CAMK2B: variants seen among roughly 807,000 people sequenced by gnomAD.
CAMK2B encodes calcium/calmodulin dependent protein kinase II beta.
In CAMK2B, 27 loss-of-function variants were observed where a neutral mutation model predicts 93.7. That is an observed-to-expected ratio of 0.29 (90% confidence interval 0.21 to 0.40). The LOEUF (loss-of-function observed/expected upper bound fraction) is 0.40, where lower values mean the gene tolerates loss of function less well. CAMK2B is among the 10% of genes least tolerant of loss of function. CAMK2B has a pLI of 1.00. For synonymous variants in CAMK2B, 374 were observed against 358.8 expected, an observed-to-expected ratio of 1.04 and a Z score of -0.48; for missense variants, 568 against 895.8, an observed-to-expected ratio of 0.63 and a Z score of 4.67.
intron 1 of CAMK2B, 30 bp downstream of exon 1, chr7:44,325,327 G>GTCCCA: frequency 8.3e-7 from 1 of 1,205,660 alleles, no homozygotes; most frequent in Non-Finnish European, 1.1e-6. Flanking sequence ...TGGGGTCCCC[G>GTCCCA]GCCCAGCCCG....
intron 3 of CAMK2B, among the ~76,000 whole-genome samples, chr7:44,261,741 G>T (rs572479231): frequency 1.3e-5 from 2 of 152,358 alleles, no homozygotes; most frequent in South Asian, 4.1e-4. Flanking sequence ...CAAATTCACA[G>T]ACAGGGCTAA....
At chr7:44,235,983 AC>A (rs1396292361) in intron 13 of CAMK2B, among the ~76,000 whole-genome samples, 12 of 148,788 alleles carry the variant, frequency 8.1e-5, no homozygotes, top group Non-Finnish European at 1.3e-4. Context: ...TCCTCCCCCA[AC>A]CCCAGCAGCA....
chr7:44,241,923 A>C (rs558320439), intron 10 of CAMK2B, 140 bp from the exon 11 acceptor site: 49 of 702,800 alleles, frequency 7.0e-5, no homozygotes, highest in Non-Finnish European at 1.1e-4. Context: ...GTCTGTCCCC[A>C]CCCGCCTGGG....
At chr7:44,239,095 G>C (rs1371851864) in intron 13 of CAMK2B, among the ~76,000 whole-genome samples, 3 of 152,194 alleles carry the variant, frequency 2.0e-5, no homozygotes, top group African/African-American at 7.2e-5. Context: ...GGCTTGTCCT[G>C]GGGGGATGCT....
At chr7:44,221,018 C>T in intron 20 of CAMK2B, 117 bp from the exon 21 acceptor site, 2 of 809,360 alleles carry the variant, frequency 2.5e-6, no homozygotes, top group South Asian at 3.2e-5. Flanking sequence ...CGTGTTCCTG[C>T]CGCTATTTGC....
chr7:44,254,578 A>G lies in CAMK2B; in HGVS notation c.305T>C (p.Ile102Thr). ...LVTGGELFEDIVAREYYSEAD... is the reference protein window; with the variant it reads ...LVTGGELFEDTVAREYYSEAD... ...CTCGCTGTAGTACTCTCTCGCCACA[A>G]TGTCTTCAAAGAGCTCCCCACCAGT... The change falls in exon 5 of 24, where the codon ATT becomes ACT. Residue 102 changes from isoleucine to threonine, a missense_variant. By Grantham distance (89) the Ile-to-Thr change is moderately conservative (BLOSUM62 -1). This residue lies in a region of CAMK2B where 105 missense variants were observed against 372.4 expected (regional missense o/e 0.28). Coordinates refer to ENST00000395749, the MANE Select transcript of CAMK2B (RefSeq NM_001220.5). 1 of 1,612,032 alleles carries G rather than the reference A, an allele frequency of 6.2e-7. No homozygotes were observed. The highest frequency in any genetic ancestry group is 8.5e-7 in the Non-Finnish European group (1 of 1,179,152).
In CAMK2B at chr7:44,220,023, C is replaced by T. The variant is rs529717098; in HGVS notation, c.*2+37G>A. 3.8e-5 allele frequency: 57 copies of T among 1,490,464 alleles called. No individual in the cohort carries two copies. The South Asian group carries it at 7.1e-4, about 19-fold the overall frequency. 92.3% of individuals were successfully genotyped at this position (1,490,464 alleles called of 1,614,324 possible). A position where few individuals can be genotyped will look rare whatever the true frequency, so the allele number is the denominator to read the frequency against. ...TGCAGCCACTCACACCACCGCCACC[C>T]CTCTGCCCCAGCTGTCACTTAGCAC... On this transcript the variant is annotated intron_variant, in intron 23 of 23. Coordinates refer to ENST00000395749, the MANE Select transcript of CAMK2B (RefSeq NM_001220.5).
In CAMK2B at chr7:44,234,453, C is replaced by T. The variant is rs538860346; in HGVS notation, c.1068G>A (p.Thr356=). 4.5e-6 allele frequency: 7 copies of T among 1,562,174 alleles called. No individual in the cohort carries two copies. Among genetic ancestry groups the T allele is most frequent in the South Asian group, 3.6e-5 (3 of 83,548 alleles). ...CGGCTGCACTGTTTTTGGTGCTATT[C>T]GTCTGGGGCTGTGGAGAGAGGGAAG... is the stretch of plus-strand genomic sequence containing the variant. ...NKKADGVKPQ[T]NSTKNSAAAT... The change falls in exon 15 of 24, where the codon ACG becomes ACA. Residue 356 remains threonine, a synonymous_variant. Coordinates refer to ENST00000395749, the MANE Select transcript of CAMK2B (RefSeq NM_001220.5).
intron 17 of CAMK2B, 167 bp from the exon 18 acceptor site, chr7:44,229,668 T>C (rs1384552893): frequency 1.2e-5 from 6 of 493,446 alleles, no homozygotes; most frequent in Non-Finnish European, 1.8e-5. Context: ...CCTGGGCCTG[T>C]GGTGGCCGCA....
intron 1 of CAMK2B, among the ~76,000 whole-genome samples, chr7:44,318,219 C>A (rs1451594469): frequency 6.6e-6 from 1 of 152,234 alleles, no homozygotes; most frequent in African/African-American, 2.4e-5. Flanking sequence ...CTGAAAGCTG[C>A]AAGCCTCTTG....
In CAMK2B at chr7:44,219,347, T is replaced by G. The variant is rs2096368880; in HGVS notation, c.*178A>C. On this transcript the variant is annotated 3_prime_UTR_variant, in exon 24 of 24. Coordinates refer to ENST00000395749, the MANE Select transcript of CAMK2B (RefSeq NM_001220.5). ...TTGTGGTTGTCGTCGTCATCTTGTT[T>G]TTTTTTTTTTTTTTTTTGTTTTTTT... is the stretch of plus-strand genomic sequence containing the variant. 6 of 117,640 alleles carry G rather than the reference T, an allele frequency of 5.1e-5. No individual in the cohort carries two copies. The highest frequency in any genetic ancestry group is 3.6e-4 in the East Asian group (1 of 2,760). 7.3% of individuals were successfully genotyped at this position (117,640 alleles called of 1,614,324 possible).
chr7:44,234,259 G>A, intron 15 of CAMK2B, 131 bp downstream of exon 15: 2 of 735,642 alleles, frequency 2.7e-6, no homozygotes, highest in East Asian at 5.5e-5. Context: ...AGGGGCGGGG[G>A]CCATGCGAGT....
At chr7:44,235,040 A>T (rs996401953) in intron 13 of CAMK2B, among the ~76,000 whole-genome samples, 8 of 152,150 alleles carry the variant, frequency 5.3e-5, no homozygotes, top group Non-Finnish European at 1.0e-4. Flanking sequence ...ACTCAGGACT[A>T]GCTGTGTCAG....
intron 1 of CAMK2B, among the ~76,000 whole-genome samples, chr7:44,285,557 A>G (rs1373948256): frequency 3.9e-5 from 6 of 152,194 alleles, no homozygotes. Context: ...GGAGCGTCTT[A>G]CATACGAACA....
chr7:44,325,405 G>A lies in CAMK2B; in HGVS notation c.17C>T (p.Thr6Ile). Residue 6 changes from threonine (T) to isoleucine (I), a missense_variant, in exon 1 of 24, where the codon ACC becomes ATC. Thr to Ile is a moderately conservative substitution (Grantham distance 89). Coordinates refer to ENST00000395749, the MANE Select transcript of CAMK2B (RefSeq NM_001220.5). Reference sequence around the variant, plus strand: ...GTACTCGTCGGTGAAGCGGGTGCAGGTCACCGTGGTGGCCATGGCGGCGGC... The same window carrying A: ...GTACTCGTCGGTGAAGCGGGTGCAGATCACCGTGGTGGCCATGGCGGCGGC... The part of the protein sequence containing the change: MATTV[T>I]CTRFTDEYQL... The A allele has an allele frequency of 8.3e-7, 1 of 1,198,816 alleles. No homozygotes were observed. The highest frequency in any genetic ancestry group is 1.1e-6 in the Non-Finnish European group (1 of 941,524). 74.3% of individuals were successfully genotyped at this position (1,198,816 alleles called of 1,614,324 possible).
chr7:44,301,362 C>A (rs1455816389), intron 1 of CAMK2B, among the ~76,000 whole-genome samples: 4 of 152,158 alleles, frequency 2.6e-5, no homozygotes, highest in Admixed American at 1.3e-4. Flanking sequence ...GTCTTGAACT[C>A]CTGTCCTCAA....
chr7:44,304,589 G>A lies in CAMK2B; in HGVS notation c.66-20364C>T, dbSNP rs188238251. On this transcript the variant is annotated intron_variant, in intron 1 of 23. Transcript: ENST00000395749. Reference sequence around the variant, plus strand: ...GTCAAAAGACCAGTGACTGGCAGGGGTTGGGTGGAGGGAGAGACAAATAGG... The same window carrying A: ...GTCAAAAGACCAGTGACTGGCAGGGATTGGGTGGAGGGAGAGACAAATAGG... Among the ~76,000 whole-genome samples the A allele has an allele frequency of 2.4e-4, 36 of 152,330 alleles. No individual in the cohort carries two copies. The East Asian group carries it at 5.8e-3, about 24-fold the overall frequency.
At chr7:44,253,373 C>T (rs1404258454) in intron 5 of CAMK2B, among the ~76,000 whole-genome samples, 1 of 151,888 alleles carries the variant, frequency 6.6e-6, no homozygotes, top group African/African-American at 2.4e-5. Context: ...GCCACCACGC[C>T]CGGCTAATTT....
intron 2 of CAMK2B, among the ~76,000 whole-genome samples, chr7:44,264,546 G>C (rs1033938221): frequency 1.3e-5 from 2 of 152,208 alleles, no homozygotes; most frequent in African/African-American, 4.8e-5. Flanking sequence ...CATCCCACGA[G>C]AGGGATTCAG....
Sources: allele counts gnomAD v4.1 joint callset (sites outside exome capture counted in the v4.1 genomes callset), GRCh38; gene constraint gnomAD v4.1.1; regional missense constraint gnomAD v4.1.1; transcripts MANE v1.5; gene names NCBI Gene and HGNC (gene_info 2026-07-23, HGNC 2026-07-21).